Variants in KSR2 observed in about 807,000 individuals in gnomAD.
The protein encoded by KSR2 is kinase suppressor of ras 2.
Under a neutral mutation model 107.8 loss-of-function variants are expected in KSR2, and 25 were observed. The observed-to-expected ratio is 0.23, with a 90% CI of 0.17 to 0.32. The LOEUF (loss-of-function observed/expected upper bound fraction) is 0.32. Among genes scored for constraint, KSR2 ranks in the 10% least tolerant of loss-of-function variants. KSR2 has a pLI of 1.00. For missense variants in KSR2, 887 were observed against 1,268.9 expected, an observed-to-expected ratio of 0.70 and a Z score of 4.57; for synonymous variants, 480 against 507.0, an observed-to-expected ratio of 0.95 and a Z score of 0.71.
intron 3 of KSR2, among the ~76,000 whole-genome samples, chr12:117,774,183 T>C (rs1889606458): frequency 6.6e-6 from 1 of 152,138 alleles, no homozygotes; most frequent in Admixed American, 6.5e-5. Context: ...CTGGGGCAGC[T>C]CCTTCTGACC....
intron 3 of KSR2, among the ~76,000 whole-genome samples, chr12:117,763,559 C>T (rs1001112431): frequency 1.3e-5 from 2 of 152,056 alleles, no homozygotes; most frequent in African/African-American, 4.8e-5. Context: ...GTCTCTTTCC[C>T]GGGTGCCTGC....
At chr12:117,783,671 C>A (rs982712124) in intron 3 of KSR2, among the ~76,000 whole-genome samples, 3 of 152,116 alleles carry the variant, frequency 2.0e-5, no homozygotes, top group African/African-American at 7.2e-5. Context: ...GCCATTATGG[C>A]GGTGGTGAGT....
At chr12:117,698,325 T>A (rs530208601) in intron 4 of KSR2, among the ~76,000 whole-genome samples, 1 of 126,682 alleles carries the variant, frequency 7.9e-6, no homozygotes, top group African/African-American at 4.1e-5. Context: ...GTCTCTCAGA[T>A]TTTTTTTTTT....
At chr12:117,690,497 G>A (rs1259143589) in intron 4 of KSR2, among the ~76,000 whole-genome samples, 3 of 150,918 alleles carry the variant, frequency 2.0e-5, no homozygotes, top group Admixed American at 1.3e-4. Flanking sequence ...CCTGGGAGGC[G>A]GAGGTTGCAG....
intron 17 of KSR2, 77 bp from the exon 18 acceptor site, chr12:117,471,397 C>T: frequency 6.1e-6 from 9 of 1,481,994 alleles, no homozygotes; most frequent in Non-Finnish European, 8.2e-6. Flanking sequence ...TTAGCACACA[C>T]CCACCCAGCC....
At chr12:117,636,215 T>A (rs1389966156) in intron 5 of KSR2, among the ~76,000 whole-genome samples, 5 of 152,200 alleles carry the variant, frequency 3.3e-5, no homozygotes, top group Non-Finnish European at 7.3e-5. Context: ...AATATTCCAC[T>A]GCTGGGTATA....
intron 3 of KSR2, among the ~76,000 whole-genome samples, chr12:117,811,077 C>G (rs769189569): frequency 6.6e-6 from 1 of 152,096 alleles, no homozygotes; most frequent in Non-Finnish European, 1.5e-5. Flanking sequence ...GGATGAAACC[C>G]TTTTGGTGAC....
intron 4 of KSR2, among the ~76,000 whole-genome samples, chr12:117,702,819 T>C (rs1347448878): frequency 3.3e-5 from 5 of 152,162 alleles, no homozygotes; most frequent in Non-Finnish European, 7.4e-5. Context: ...CGTGGCCCTT[T>C]TGAAAGCTCC....
At chr12:117,821,112 T>A (rs535765555) in intron 3 of KSR2, among the ~76,000 whole-genome samples, 8 of 152,204 alleles carry the variant, frequency 5.3e-5, no homozygotes, top group Non-Finnish European at 1.0e-4. Context: ...TAGTTCATAA[T>A]GCTGTTGGGA....
rs1870680356 is a variant in KSR2 at position 117,457,523 on chromosome 12, C to G, written c.*9676G>C. On this transcript the variant is annotated 3_prime_UTR_variant, in exon 20 of 20. Coordinates refer to ENST00000339824, the MANE Select transcript of KSR2 (RefSeq NM_173598.6). ...GACAGCTATGGGAGCTCATGGAGAACAGAGACTCCAAACTGGATGCCATAT... is the reference window on the plus strand; with the variant it reads ...GACAGCTATGGGAGCTCATGGAGAAGAGAGACTCCAAACTGGATGCCATAT... 1 of 152,228 alleles carries G rather than the reference C, an allele frequency of 6.6e-6. No individual in the cohort carries two copies. Among genetic ancestry groups the G allele is most frequent in the Admixed American group, 6.5e-5 (1 of 15,270 alleles). 9.4% of individuals were successfully genotyped at this position (152,228 alleles called of 1,614,324 possible).
chr12:117,844,430 T>C (rs1165210980), intron 3 of KSR2, among the ~76,000 whole-genome samples: 1 of 148,672 alleles, frequency 6.7e-6, no homozygotes, highest in Non-Finnish European at 1.5e-5. Context: ...GGATAACAGA[T>C]AAGAAAAAAA....
chr12:117,622,965 T>C (rs748468988), intron 5 of KSR2, among the ~76,000 whole-genome samples: 2 of 152,116 alleles, frequency 1.3e-5, no homozygotes, highest in Non-Finnish European at 2.9e-5. Context: ...TGCACTCCAA[T>C]GGAGGAAGTT....
At chr12:117,496,512 TG>T (rs1038744135) in intron 14 of KSR2, among the ~76,000 whole-genome samples, 10 of 152,228 alleles carry the variant, frequency 6.6e-5, no homozygotes, top group Non-Finnish European at 1.2e-4. Context: ...TGTATTTATA[TG>T]AATCTGCCAG....
intron 1 of KSR2, among the ~76,000 whole-genome samples, chr12:117,926,717 A>T (rs1243248224): frequency 6.6e-6 from 1 of 152,006 alleles, no homozygotes. Flanking sequence ...TTCACCACCC[A>T]CCTCTGTCCC....
Position 117,539,816 on chromosome 12 carries a change from G to C in KSR2, c.1590C>G (p.Ser530=), listed in dbSNP as rs375430100. ...TAGGAGGGAGGGGGGGTGCTGGCGAGGAGGGCGTGGAGGACGTCGTGGAGG... is the reference window on the plus strand; with the variant it reads ...TAGGAGGGAGGGGGGGTGCTGGCGACGAGGGCGTGGAGGACGTCGTGGAGG... The part of the protein sequence containing the change: ...NPSSTTSSTP[S]SPAPPLPPSA... The change falls in exon 10 of 20, where the codon TCC becomes TCG. Residue 530 remains serine (S), a synonymous_variant. Transcript: ENST00000339824. 6.2e-7 allele frequency: 1 copy of C among 1,610,034 alleles called. No individual in the cohort carries two copies. The highest frequency in any genetic ancestry group is 8.5e-7 in the Non-Finnish European group (1 of 1,178,600).
At chr12:117,820,445 C>G (rs573183709) in intron 3 of KSR2, among the ~76,000 whole-genome samples, 3 of 152,182 alleles carry the variant, frequency 2.0e-5, no homozygotes, top group African/African-American at 7.2e-5. Context: ...ACCTGCGGAT[C>G]GTTTTCAGAG....
intron 5 of KSR2, among the ~76,000 whole-genome samples, chr12:117,597,957 G>T (rs7972611): frequency 0.48 from 72,837 of 152,016 alleles, 19,136 homozygotes; most frequent in East Asian, 0.58. Flanking sequence ...GAGAAGTTCA[G>T]TAACTTTCTC....
At chr12:117,606,099 AG>A (rs1481166496) in intron 5 of KSR2, among the ~76,000 whole-genome samples, 1 of 152,138 alleles carries the variant, frequency 6.6e-6, no homozygotes, top group African/African-American at 2.4e-5. Flanking sequence ...AGATGCTTGC[AG>A]AGTGCTTAGG....
intron 4 of KSR2, among the ~76,000 whole-genome samples, chr12:117,698,053 G>A (rs971037163): frequency 1.3e-5 from 2 of 152,102 alleles, no homozygotes; most frequent in African/African-American, 4.8e-5. Flanking sequence ...ACCGAAGACT[G>A]CCGGCACATC....
Sources: allele counts gnomAD v4.1 joint callset (sites outside exome capture counted in the v4.1 genomes callset), GRCh38; gene constraint gnomAD v4.1.1; transcripts MANE v1.5; gene names NCBI Gene and HGNC (gene_info 2026-07-23, HGNC 2026-07-21).